The following ITPR2 variants were observed in gnomAD, a reference collection of about 807,000 sequenced individuals.
The protein encoded by ITPR2 is inositol 1,4,5-trisphosphate-gated calcium channel ITPR2.
ITPR2 carries 207 observed loss-of-function variants against 317.1 expected under a neutral mutation model. That is an observed-to-expected ratio of 0.65 (90% confidence interval 0.58 to 0.73). The LOEUF (loss-of-function observed/expected upper bound fraction) is 0.73, where lower values mean the gene tolerates loss of function less well. ITPR2 is among the 30% of genes least tolerant of loss of function. The pLI is 0.00. For missense variants in ITPR2, 2,613 were observed against 3,284.0 expected (o/e 0.80, Z 4.99); for synonymous variants, 1,156 against 1,149.1 (o/e 1.01, Z -0.12).
chr12:26,443,790 T>C (rs576731646), intron 45 of ITPR2, 140 bp from the exon 46 acceptor site: 1 of 569,128 alleles, frequency 1.8e-6, no homozygotes, highest in African/African-American at 1.9e-5. Flanking sequence ...CAGGAAAGCA[T>C]GTCTGTATTT....
At chr12:26,809,252 T>G (rs1265464289) in intron 1 of ITPR2, among the ~76,000 whole-genome samples, 1 of 152,192 alleles carries the variant, frequency 6.6e-6, no homozygotes, top group Non-Finnish European at 1.5e-5. Flanking sequence ...TATAATTATT[T>G]TGTCCCTAAA....
intron 36 of ITPR2, among the ~76,000 whole-genome samples, chr12:26,554,423 T>G (rs1049797947): frequency 6.6e-6 from 1 of 152,246 alleles, no homozygotes; most frequent in Non-Finnish European, 1.5e-5. Context: ...ACCTTTTCTC[T>G]AAAGGATCAG....
chr12:26,351,234 T>C (rs1245283783), intron 55 of ITPR2, among the ~76,000 whole-genome samples: 4 of 152,116 alleles, frequency 2.6e-5, no homozygotes, highest in East Asian at 1.9e-4. Context: ...GGAGTCCAGC[T>C]CCCAGAACTG....
intron 55 of ITPR2, among the ~76,000 whole-genome samples, chr12:26,375,408 C>T (rs1939308529): frequency 6.6e-6 from 1 of 152,194 alleles, no homozygotes; most frequent in African/African-American, 2.4e-5. Context: ...GGGTTTGCAG[C>T]ATAATTTCAT....
intron 55 of ITPR2, among the ~76,000 whole-genome samples, chr12:26,342,393 G>C (rs1332944009): frequency 6.6e-6 from 1 of 151,468 alleles, no homozygotes; most frequent in Non-Finnish European, 1.5e-5. Flanking sequence ...AAAGTGAGGT[G>C]CCATGGTTTA....
At chr12:26,349,453 C>G (rs989462482) in intron 55 of ITPR2, among the ~76,000 whole-genome samples, 12 of 152,152 alleles carry the variant, frequency 7.9e-5, no homozygotes, top group African/African-American at 2.9e-4. Flanking sequence ...GTTAGTTACA[C>G]AAAGCAAAAC....
At chr12:26,467,396 G>T (rs1307081492) in intron 45 of ITPR2, among the ~76,000 whole-genome samples, 1 of 151,728 alleles carries the variant, frequency 6.6e-6, no homozygotes, top group African/African-American at 2.4e-5. Context: ...TCTCTCTCCT[G>T]AAAGTTAAGA....
intron 21 of ITPR2, among the ~76,000 whole-genome samples, 172 bp downstream of exon 21, chr12:26,653,804 G>A (rs1947312404): frequency 6.6e-6 from 1 of 152,174 alleles, no homozygotes; most frequent in Non-Finnish European, 1.5e-5. Context: ...TATAAACAGA[G>A]ATGCATGTTT....
At chr12:26,397,988 G>T (rs1319690572) in intron 54 of ITPR2, among the ~76,000 whole-genome samples, 1 of 151,720 alleles carries the variant, frequency 6.6e-6, no homozygotes, top group Non-Finnish European at 1.5e-5. Flanking sequence ...GGGATGATGA[G>T]GGCAATGAGA....
intron 2 of ITPR2, among the ~76,000 whole-genome samples, chr12:26,754,441 C>G (rs1350629890): frequency 6.6e-6 from 1 of 152,170 alleles, no homozygotes; most frequent in Non-Finnish European, 1.5e-5. Context: ...ATTAAAATCC[C>G]GAACTTACCA....
In ITPR2 at chr12:26,516,290, A is replaced by AGGAAAGGAAAGGAAAGGAAAGGAAG. The variant is rs1943505859; in HGVS notation, c.5074-21031_5074-21030insCTTCCTTTCCTTTCCTTTCCTTTCC. Among the ~76,000 whole-genome samples the AGGAAAGGAAAGGAAAGGAAAGGAAG allele has an allele frequency of 4.6e-4, 23 of 49,718 alleles. 1 individual carries two copies. Among genetic ancestry groups the AGGAAAGGAAAGGAAAGGAAAGGAAG allele is most frequent in the South Asian group, 2.0e-3 (2 of 1,024 alleles). The allele number at this position is 49,718 out of a possible 152,430, so 32.6% of individuals were successfully genotyped here. A position where few individuals can be genotyped will look rare whatever the true frequency, so the allele number is the denominator to read the frequency against. On this transcript the variant is annotated intron_variant, in intron 37 of 56. Transcript: ENST00000381340. ...AGGAAAGGAAGGGAAGGGAAGGGAA[A>AGGAAAGGAAAGGAAAGGAAAGGAAG]GGAAAGGAAAGGAAAGGAAAGGAAA...
chr12:26,549,215 T>C (rs1351126498), intron 37 of ITPR2, among the ~76,000 whole-genome samples: 3 of 152,204 alleles, frequency 2.0e-5, no homozygotes, highest in Non-Finnish European at 2.9e-5. Flanking sequence ...TAAAATTGCA[T>C]TGACCACCTT....
chr12:26,687,067 G>C (rs528638738), intron 10 of ITPR2, among the ~76,000 whole-genome samples: 1 of 152,248 alleles, frequency 6.6e-6, no homozygotes, highest in East Asian at 1.9e-4. Context: ...ATAATACTTG[G>C]AGAGGAGCAG....
chr12:26,408,972 T>G (rs968032437), intron 52 of ITPR2, among the ~76,000 whole-genome samples: 1 of 152,200 alleles, frequency 6.6e-6, no homozygotes, highest in Non-Finnish European at 1.5e-5. Flanking sequence ...ATCTGAACTT[T>G]GAGGTGGCCA....
At chr12:26,459,875 T>A (rs1941973263) in intron 45 of ITPR2, among the ~76,000 whole-genome samples, 1 of 152,218 alleles carries the variant, frequency 6.6e-6, no homozygotes, top group Non-Finnish European at 1.5e-5. Context: ...TCCAACCCAG[T>A]GTCCCATCAG....
At chr12:26,519,526 A>G (rs1306452143) in intron 37 of ITPR2, among the ~76,000 whole-genome samples, 2 of 152,226 alleles carry the variant, frequency 1.3e-5, no homozygotes, top group African/African-American at 4.8e-5. Flanking sequence ...TAACAAAATA[A>G]AATATATTTA....
At chr12:26,468,420 A>G (rs182913606) in intron 45 of ITPR2, among the ~76,000 whole-genome samples, 101 of 152,314 alleles carry the variant, frequency 6.6e-4, no homozygotes, top group African/African-American at 2.3e-3. Context: ...GAATGCTATT[A>G]TAAGCATTGT....
At chr12:26,782,033 TGTATAGAGAGAGAG>T (rs1477019689) in intron 2 of ITPR2, among the ~76,000 whole-genome samples, 3 of 18,046 alleles carry the variant, frequency 1.7e-4, no homozygotes, top group East Asian at 1.6e-3. Flanking sequence ...TATATATATA[TGTATAGAGAGAGAG>T]AGAGAGAGAG....
chr12:26,690,823 G>A (rs769839896), intron 10 of ITPR2, among the ~76,000 whole-genome samples: 33 of 152,042 alleles, frequency 2.2e-4, no homozygotes, highest in Non-Finnish European at 3.8e-4. Context: ...AATTAAAAGA[G>A]GTCACTCTGA....
Sources: gnomAD v4.1 joint callset for allele counts (sites outside exome capture counted in the v4.1 genomes callset) on GRCh38, gnomAD v4.1.1 for gene constraint, MANE v1.5 for transcripts, NCBI Gene and HGNC (gene_info 2026-07-23, HGNC 2026-07-21) for gene names.